The following GKAP1 variants were observed in gnomAD, a reference collection of about 807,000 sequenced individuals.
GKAP1 encodes G kinase-anchoring protein 1.
GKAP1 carries 31 observed loss-of-function variants against 56.7 expected under a neutral mutation model. The ratio of observed to expected loss-of-function variants is 0.55; its 90% CI spans 0.41 to 0.74. The LOEUF (loss-of-function observed/expected upper bound fraction) is 0.74, where lower values mean the gene tolerates loss of function less well. GKAP1 is among the 30% of genes least tolerant of loss of function. The pLI, the probability that GKAP1 is intolerant of heterozygous loss-of-function variation, is 0.00. For missense variants in GKAP1, 364 were observed against 402.3 expected (o/e 0.90, Z 0.82); for synonymous variants, 151 against 138.6 (o/e 1.09, Z -0.63).
intron 5 of GKAP1, among the ~76,000 whole-genome samples, chr9:83,786,073 T>C (rs1944058586): frequency 6.6e-6 from 1 of 152,162 alleles, no homozygotes; most frequent in African/African-American, 2.4e-5. Flanking sequence ...AAGAATCCTT[T>C]CCTAAAACCC....
In GKAP1 at chr9:83,739,732, CT is replaced by C; in HGVS notation, c.1065del (p.Arg358GlufsTer15). 6.2e-7 allele frequency: 1 copy of C among 1,608,114 alleles called. No individual in the cohort carries two copies. The highest frequency in any genetic ancestry group is 8.5e-7 in the Non-Finnish European group (1 of 1,177,368). ...TGGTCGGATTCAGAGTTTCTTTTCC[CT>C]TTTCTGCCACCCTGTAAAAAAAAAA... ...AELAKYQGGR[K>X]GKRNSESDQC... On this transcript the variant is annotated frameshift_variant, in exon 13 of 13. Transcript: ENST00000376371. LOFTEE classifies it high-confidence loss of function.
intron 7 of GKAP1, among the ~76,000 whole-genome samples, chr9:83,778,681 C>T (rs1943902656): frequency 6.6e-6 from 1 of 151,484 alleles, no homozygotes; most frequent in Admixed American, 6.6e-5. Flanking sequence ...TACACATGTA[C>T]CCCTGAACTT....
At chr9:83,794,179 GA>G (rs1944207115) in intron 4 of GKAP1, among the ~76,000 whole-genome samples, 1 of 151,930 alleles carries the variant, frequency 6.6e-6, no homozygotes, top group South Asian at 2.1e-4. Flanking sequence ...AAAAATATAT[GA>G]AAATTAAAAA....
chr9:83,803,749 G>T (rs1467197533), intron 3 of GKAP1, among the ~76,000 whole-genome samples: 1 of 147,154 alleles, frequency 6.8e-6, no homozygotes, highest in African/African-American at 2.6e-5. Context: ...CTGCCTGGCT[G>T]CCCAGTCTGG....
At chr9:83,787,430 T>C (rs903757310) in intron 5 of GKAP1, among the ~76,000 whole-genome samples, 7 of 152,096 alleles carry the variant, frequency 4.6e-5, no homozygotes, top group African/African-American at 1.7e-4. Flanking sequence ...AGAGACAGTG[T>C]CTTGCTGTGT....
intron 7 of GKAP1, among the ~76,000 whole-genome samples, chr9:83,777,718 A>G (rs1164271577): frequency 6.6e-6 from 1 of 152,204 alleles, no homozygotes; most frequent in Non-Finnish European, 1.5e-5. Context: ...TGAAAAAAAA[A>G]TCCCTTGGCC....
At chr9:83,782,446 C>A (rs190919197) in intron 6 of GKAP1, among the ~76,000 whole-genome samples, 20 of 151,690 alleles carry the variant, frequency 1.3e-4, no homozygotes, top group African/African-American at 4.4e-4. Flanking sequence ...GCAACCTCCA[C>A]CTTTTGGGTT....
At chr9:83,789,622 G>A (rs1053255523) in intron 4 of GKAP1, among the ~76,000 whole-genome samples, 3 of 152,106 alleles carry the variant, frequency 2.0e-5, no homozygotes, top group South Asian at 4.1e-4. Context: ...GGTTTCAGCA[G>A]AACAGCCAGT....
At chr9:83,798,918 T>C (rs1329668323) in intron 4 of GKAP1, among the ~76,000 whole-genome samples, 1 of 152,194 alleles carries the variant, frequency 6.6e-6, no homozygotes, top group Non-Finnish European at 1.5e-5. Flanking sequence ...CTACCTTCCC[T>C]GTCTCTCCCT....
chr9:83,769,558 G>T (rs1263711750), intron 7 of GKAP1, among the ~76,000 whole-genome samples: 1 of 152,170 alleles, frequency 6.6e-6, no homozygotes, highest in Non-Finnish European at 1.5e-5. Flanking sequence ...TATATGGCTT[G>T]TATCAGCACT....
Position 83,749,670 on chromosome 9 carries a change from T to C in GKAP1, c.841-1298A>G, listed in dbSNP as rs765982593. Among the ~76,000 whole-genome samples the C allele has an allele frequency of 5.3e-5, 8 of 152,320 alleles. No homozygotes were observed. In the South Asian group the frequency reaches 8.3e-4, roughly 16 times the overall value. Reference sequence around the variant, plus strand: ...CTCTCAACATATACATAGATATGTATAGAAGTTACCAGATTCAAATTTTTT... The same window carrying C: ...CTCTCAACATATACATAGATATGTACAGAAGTTACCAGATTCAAATTTTTT... On this transcript the variant is annotated intron_variant, in intron 9 of 12. Transcript: ENST00000376371.
intron 8 of GKAP1, among the ~76,000 whole-genome samples, chr9:83,763,137 A>G (rs1030442269): frequency 6.6e-6 from 1 of 152,178 alleles, no homozygotes; most frequent in Non-Finnish European, 1.5e-5. Flanking sequence ...TTGCAACAAC[A>G]TGGGTGGAAC....
chr9:83,764,743 A>G (rs1943632469), intron 8 of GKAP1, among the ~76,000 whole-genome samples: 1 of 152,196 alleles, frequency 6.6e-6, no homozygotes, highest in African/African-American at 2.4e-5. Context: ...CATTCTTGCT[A>G]TGCTTTAGCA....
intron 7 of GKAP1, among the ~76,000 whole-genome samples, chr9:83,777,709 G>GA (rs201935130): frequency 1.5e-4 from 23 of 150,786 alleles, no homozygotes; most frequent in Non-Finnish European, 1.5e-4. Context: ...GAGTAGCCAT[G>GA]AAAAAAAAAT....
At chr9:83,797,774 A>G (rs768524739) in intron 4 of GKAP1, among the ~76,000 whole-genome samples, 1 of 152,220 alleles carries the variant, frequency 6.6e-6, no homozygotes, top group Non-Finnish European at 1.5e-5. Flanking sequence ...TGTTGCATGG[A>G]ATTTATTTTG....
intron 4 of GKAP1, chr9:83,789,203 A>G (rs1043650506): frequency 2.0e-5 from 3 of 152,224 alleles, no homozygotes; most frequent in African/African-American, 7.2e-5. Context: ...TCTCAAAATG[A>G]TAAACTATAT....
intron 2 of GKAP1, among the ~76,000 whole-genome samples, chr9:83,810,700 T>C (rs1424525857): frequency 6.6e-6 from 1 of 152,250 alleles, no homozygotes; most frequent in Admixed American, 6.5e-5. Flanking sequence ...TTGAGCAACC[T>C]ACTTGATCTC....
rs567433797 is a variant in GKAP1 at position 83,805,516 on chromosome 9, G to A, written c.216+786C>T. Among the ~76,000 whole-genome samples the A allele has an allele frequency of 4.6e-5, 7 of 151,734 alleles. No individual in the cohort carries two copies. In the South Asian group the frequency reaches 1.5e-3, roughly 32 times the overall value. On this transcript the variant is annotated intron_variant, in intron 3 of 12. Coordinates refer to ENST00000376371, the MANE Select transcript of GKAP1 (RefSeq NM_025211.4). ...CATGTAATTAAATATTGTAAACTGT[G>A]GATTCATTTAAAATAACAGAGATCT...
At chr9:83,776,600 G>A (rs1943866650) in intron 7 of GKAP1, among the ~76,000 whole-genome samples, 2 of 152,098 alleles carry the variant, frequency 1.3e-5, no homozygotes, top group Admixed American at 1.3e-4. Context: ...GGAGACTGAG[G>A]CACGAGAATC....
Sources: allele counts gnomAD v4.1 joint callset (sites outside exome capture counted in the v4.1 genomes callset), GRCh38; gene constraint gnomAD v4.1.1; transcripts MANE v1.5; gene names NCBI Gene and HGNC (gene_info 2026-07-23, HGNC 2026-07-21).